Variants in APPL2 observed in about 807,000 individuals in gnomAD.
APPL2 encodes DCC-interacting protein 13-beta.
A neutral mutation model predicts 92.7 loss-of-function variants in APPL2; 84 were observed. The observed-to-expected ratio is 0.91, with a 90% CI of 0.76 to 1.09. APPL2 has a LOEUF of 1.09. APPL2 is among the 50% of genes least tolerant of loss of function. The pLI, the probability that APPL2 is intolerant of heterozygous loss-of-function variation, is 0.00. For missense variants in APPL2, 736 were observed against 824.5 expected (o/e 0.89, Z 1.31); for synonymous variants, 291 against 291.0 (o/e 1.00, Z 0.00).
At chr12:105,189,364 A>G (rs1887000330) in intron 16 of APPL2, among the ~76,000 whole-genome samples, 1 of 152,210 alleles carries the variant, frequency 6.6e-6, no homozygotes, top group South Asian at 2.1e-4. Flanking sequence ...ATAAGAATGT[A>G]AAAAACCAAA....
intron 8 of APPL2, 150 bp from the exon 9 acceptor site, chr12:105,203,935 C>T (rs949703403): frequency 6.3e-6 from 4 of 639,520 alleles, no homozygotes; most frequent in African/African-American, 1.8e-5. Flanking sequence ...TGAGTCTACA[C>T]CTGAGCACTA....
At chr12:105,210,181 C>G (rs957315987) in intron 5 of APPL2, among the ~76,000 whole-genome samples, 1 of 152,050 alleles carries the variant, frequency 6.6e-6, no homozygotes, top group Non-Finnish European at 1.5e-5. Context: ...AGGATGGTCT[C>G]GATCTCCTGA....
intron 19 of APPL2, 136 bp downstream of exon 19, chr12:105,176,740 G>C: frequency 8.9e-7 from 1 of 1,122,184 alleles, no homozygotes. Context: ...GCCTTCTTAG[G>C]AGGTATTATC....
In APPL2 at chr12:105,207,049, G is replaced by A; in HGVS notation, c.621+12C>T. On this transcript the variant is annotated intron_variant, in intron 8 of 20. Coordinates refer to ENST00000258530, the MANE Select transcript of APPL2 (RefSeq NM_018171.5). The stretch of plus-strand genomic sequence containing the variant: ...AGCTTAGGTTTCAGCCCTCAGGGAG[G>A]GACTCCCCTACCTGTCCATGGGCAA... 6.2e-7 allele frequency: 1 copy of A among 1,610,662 alleles called. No homozygotes were observed. The highest frequency in any genetic ancestry group is 8.5e-7 in the Non-Finnish European group (1 of 1,179,026).
chr12:105,178,410 T>C (rs1362894654), intron 17 of APPL2, among the ~76,000 whole-genome samples: 1 of 152,168 alleles, frequency 6.6e-6, no homozygotes, highest in East Asian at 1.9e-4. Context: ...CAGGGGCTAA[T>C]GGGTATTCTT....
intron 5 of APPL2, among the ~76,000 whole-genome samples, chr12:105,208,770 G>A (rs1888974942): frequency 6.6e-6 from 1 of 152,184 alleles, no homozygotes; most frequent in Admixed American, 6.5e-5. Context: ...ATCATGCACA[G>A]AGATGGCTGA....
rs1160326226 is a variant in APPL2 at position 105,207,119 on chromosome 12, A to C, written c.563T>G (p.Leu188Arg). Residue 188 changes from leucine to arginine, a missense_variant, in exon 8 of 21, where the codon CTG (leucine) becomes CGG (arginine). Coordinates refer to ENST00000258530, the MANE Select transcript of APPL2 (RefSeq NM_018171.5). The part of the protein sequence containing the change: ...SLQYYCALNA[L>R]QYRKQMAMME... ...CATGGCCATTTGCTTTCTGTACTGC[A>C]GCGCGTTGAGGGCACAGTAGTACTG... 6.2e-7 allele frequency: 1 copy of C among 1,614,186 alleles called. No individual in the cohort carries two copies. The highest frequency in any genetic ancestry group is 8.5e-7 in the Non-Finnish European group (1 of 1,180,040).
intron 11 of APPL2, 36 bp downstream of exon 11, chr12:105,197,729 C>T (rs970373400): frequency 6.2e-7 from 1 of 1,612,796 alleles, no homozygotes; most frequent in Non-Finnish European, 8.5e-7. Flanking sequence ...AACCACTATA[C>T]TCATTCTCCT....
chr12:105,203,352 G>A (rs1888392893), intron 9 of APPL2: 4 of 250,772 alleles, frequency 1.6e-5, no homozygotes, highest in Non-Finnish European at 3.0e-5. Context: ...TAATGCACTG[G>A]TCAGAGTTTC....
intron 17 of APPL2, among the ~76,000 whole-genome samples, chr12:105,180,149 A>G (rs1885975385): frequency 6.6e-6 from 1 of 152,140 alleles, no homozygotes; most frequent in Non-Finnish European, 1.5e-5. Context: ...TAATTTTTGT[A>G]TAAGGTGTTA....
rs1210526811 is a variant in APPL2 at position 105,222,189 on chromosome 12, G to A, written c.154-4464C>T. On this transcript the variant is annotated intron_variant, in intron 2 of 20. Transcript: ENST00000258530. ...CATGCGAGGCAGGCCACGGGGGGAT[G>A]CCTGCTGGACCTGGACTTTATTCCA... Among the ~76,000 whole-genome samples the A allele has an allele frequency of 2.6e-5, 4 of 152,186 alleles. No homozygotes were observed. In the South Asian group the frequency reaches 6.2e-4, roughly 24 times the overall value.
Position 105,186,636 on chromosome 12 carries a change from C to CGATATCATATATATGAT in APPL2, c.1634+1636_1634+1637insATCATATATATGATATC, listed in dbSNP as rs1491368321. ...TATATCATATATATATCATATATAT[C>CGATATCATATATATGAT]ATATATATGATATCGATATCATATA... On this transcript the variant is annotated intron_variant, in intron 17 of 20. Transcript: ENST00000258530. Among the ~76,000 whole-genome samples, 5 of 88,670 alleles carry CGATATCATATATATGAT rather than the reference C, an allele frequency of 5.6e-5. No individual in the cohort carries two copies. The East Asian group carries it at 1.1e-3, about 20-fold the overall frequency. 58.2% of individuals were successfully genotyped at this position (88,670 alleles called of 152,430 possible).
chr12:105,188,361 C>T lies in APPL2; in HGVS notation c.1546G>A (p.Ala516Thr). The part of the protein sequence containing the change: ...TDSTTEVIYE[A>T]MRQVLAARAI... ...CGAGCAGCCAATACTTGTCTCATCG[C>T]TTCATAAATCACTTCAGTAGTGCTG... The change falls in exon 17 of 21, where the codon GCG becomes ACG. Residue 516 changes from alanine to threonine, a missense_variant. Coordinates refer to ENST00000258530, the MANE Select transcript of APPL2 (RefSeq NM_018171.5). 6.2e-7 allele frequency: 1 copy of T among 1,614,208 alleles called. No individual in the cohort carries two copies. Among genetic ancestry groups the T allele is most frequent in the East Asian group, 2.2e-5 (1 of 44,886 alleles).
intron 17 of APPL2, among the ~76,000 whole-genome samples, chr12:105,186,667 T>TATATGATATATC (rs1886708024): frequency 1.2e-4 from 4 of 33,148 alleles, no homozygotes; most frequent in Non-Finnish European, 2.4e-4. Flanking sequence ...ATATATATCA[T>TATATGATATATC]ATATATGATA....
chr12:105,221,118 G>C (rs1890065906), intron 2 of APPL2, among the ~76,000 whole-genome samples: 1 of 152,174 alleles, frequency 6.6e-6, no homozygotes, highest in Non-Finnish European at 1.5e-5. Context: ...GTACACAAAG[G>C]TTGTAAGAAA....
chr12:105,181,769 C>G (rs1351587185), intron 17 of APPL2, among the ~76,000 whole-genome samples: 1 of 152,150 alleles, frequency 6.6e-6, no homozygotes, highest in Non-Finnish European at 1.5e-5. Flanking sequence ...ATAGTATTCT[C>G]TGTTGGTAGT....
intron 2 of APPL2, among the ~76,000 whole-genome samples, chr12:105,218,694 C>G (rs1378189164): frequency 6.6e-6 from 1 of 152,198 alleles, no homozygotes; most frequent in African/African-American, 2.4e-5. Flanking sequence ...GGCCCAGGCT[C>G]ACACATACTG....
intron 2 of APPL2, among the ~76,000 whole-genome samples, chr12:105,226,347 T>G (rs1267030471): frequency 3.3e-5 from 5 of 152,310 alleles, no homozygotes; most frequent in Admixed American, 2.6e-4. Flanking sequence ...CCAGACATTC[T>G]CACCAGCCTG....
intron 14 of APPL2, among the ~76,000 whole-genome samples, chr12:105,194,468 A>G (rs1484358837): frequency 6.6e-6 from 1 of 152,176 alleles, no homozygotes; most frequent in Admixed American, 6.5e-5. Flanking sequence ...AGGCGGGTGG[A>G]TCACTTGAGG....
Sources: gnomAD v4.1 joint callset for allele counts (sites outside exome capture counted in the v4.1 genomes callset) on GRCh38, gnomAD v4.1.1 for gene constraint, MANE v1.5 for transcripts, NCBI Gene and HGNC (gene_info 2026-07-23, HGNC 2026-07-21) for gene names.